CA8: variants seen among roughly 807,000 people sequenced by gnomAD.
CA8 encodes the protein carbonic anhydrase-related protein.
CA8 carries 22 observed loss-of-function variants against 41.4 expected under a neutral mutation model. That is an observed-to-expected ratio of 0.53 (90% CI 0.38 to 0.76). The LOEUF (loss-of-function observed/expected upper bound fraction) is 0.76. Among genes scored for constraint, CA8 ranks in the 30% least tolerant of loss-of-function variants. CA8 has a pLI of 0.00. For missense variants in CA8, 270 were observed against 352.8 expected, an observed-to-expected ratio of 0.77 and a Z score of 1.88; for synonymous variants, 121 against 130.6, an observed-to-expected ratio of 0.93 and a Z score of 0.50.
At position 60,188,469 on chromosome 8, in the gene CA8, C is replaced by T. The variant is rs1304755965; in HGVS notation, c.*1552G>A. ...AGATCTAGTCTTTTGATGTTAATTA[C>T]AAATAAGGCTGCACGTGTGCAGCCA... On this transcript the variant is annotated 3_prime_UTR_variant, in exon 9 of 9. Coordinates refer to ENST00000317995, the MANE Select transcript of CA8 (RefSeq NM_004056.6). 1 of 152,166 alleles carries T rather than the reference C, an allele frequency of 6.6e-6. No homozygotes were observed. Among genetic ancestry groups the T allele is most frequent in the Non-Finnish European group, 1.5e-5 (1 of 68,044 alleles). The allele number at this position is 152,166 out of a possible 1,614,324, so 9.4% of individuals were successfully genotyped here.
At chr8:60,195,530 T>C (rs114051237) in intron 8 of CA8, among the ~76,000 whole-genome samples, 1 of 152,166 alleles carries the variant, frequency 6.6e-6, no homozygotes, top group Admixed American at 6.6e-5. Context: ...ATCTCCAAAA[T>C]AGAGTCTTTT....
At position 60,255,767 on chromosome 8, in the gene CA8, A is replaced by T. The variant is rs368881458; in HGVS notation, c.417+10158T>A. 1.8e-4 allele frequency among the ~76,000 whole-genome samples: 28 copies of T among 152,344 alleles called. 1 individual carries two copies. The South Asian group carries it at 5.2e-3, about 28-fold the overall frequency. On this transcript the variant is annotated intron_variant, in intron 3 of 8. Coordinates refer to ENST00000317995, the MANE Select transcript of CA8 (RefSeq NM_004056.6). ...CAAAACTATACTGCCCTATGGTACA[A>T]CATTTACATCCAATATACCTAATAC...
intron 7 of CA8, among the ~76,000 whole-genome samples, chr8:60,220,888 G>A (rs535851214): frequency 3.9e-4 from 59 of 152,160 alleles, no homozygotes; most frequent in South Asian, 1.5e-3. Flanking sequence ...GAGATCCTTC[G>A]CCCTATTTTC....
intron 3 of CA8, among the ~76,000 whole-genome samples, chr8:60,263,484 AAGTC>A (rs772864858): frequency 6.6e-5 from 10 of 152,180 alleles, no homozygotes; most frequent in African/African-American, 1.7e-4. Context: ...GAAAAAAAAA[AAGTC>A]AGTCTTAAAA....
chr8:60,262,809 G>A (rs1001697255), intron 3 of CA8, among the ~76,000 whole-genome samples: 1 of 152,240 alleles, frequency 6.6e-6, no homozygotes, highest in African/African-American at 2.4e-5. Context: ...TAAGCAGTGT[G>A]TCAGATGGCT....
chr8:60,231,894 G>A (rs1378906242), intron 4 of CA8, among the ~76,000 whole-genome samples: 3 of 152,092 alleles, frequency 2.0e-5, no homozygotes, highest in Non-Finnish European at 4.4e-5. Context: ...TGTTAATAAA[G>A]AAGGGCTAAA....
intron 4 of CA8, among the ~76,000 whole-genome samples, chr8:60,227,317 G>T (rs1044415811): frequency 1.3e-5 from 2 of 151,778 alleles, no homozygotes; most frequent in African/African-American, 2.4e-5. Context: ...AACAGAACTC[G>T]GTTCTAGTCC....
intron 8 of CA8, among the ~76,000 whole-genome samples, chr8:60,193,493 G>A (rs952742209): frequency 6.6e-6 from 1 of 152,032 alleles, no homozygotes; most frequent in Non-Finnish European, 1.5e-5. Flanking sequence ...GTAGCTTCTG[G>A]GAAATAAATT....
At chr8:60,271,862 T>C (rs1418250260) in intron 2 of CA8, among the ~76,000 whole-genome samples, 1 of 152,070 alleles carries the variant, frequency 6.6e-6, no homozygotes, top group Non-Finnish European at 1.5e-5. Context: ...ACTGCAAAGA[T>C]GTTTAATTTT....
chr8:60,207,711 C>T (rs981552043), intron 8 of CA8, among the ~76,000 whole-genome samples: 1 of 152,158 alleles, frequency 6.6e-6, no homozygotes, highest in African/African-American at 2.4e-5. Flanking sequence ...TCCAAGCCTC[C>T]GCATCTATCA....
chr8:60,209,053 A>G lies in CA8; in HGVS notation c.739-134T>C. On this transcript the variant is annotated intron_variant, in intron 7 of 8. Coordinates refer to ENST00000317995, the MANE Select transcript of CA8 (RefSeq NM_004056.6). ...AAGAGAAAATTAAAATTAAGCTTCA[A>G]AAAGAAAAAAAACAGACTTAATTCT... 3.9e-6 allele frequency: 4 copies of G among 1,023,382 alleles called. No homozygotes were observed. In the Admixed American group the frequency reaches 9.6e-5, roughly 25 times the overall value. 63.4% of individuals were successfully genotyped at this position (1,023,382 alleles called of 1,614,324 possible).
chr8:60,252,987 C>T (rs972408634), intron 3 of CA8, among the ~76,000 whole-genome samples: 1 of 151,836 alleles, frequency 6.6e-6, no homozygotes, highest in African/African-American at 2.4e-5. Flanking sequence ...CCCAGCACTT[C>T]GGGAGGCTGA....
At chr8:60,206,626 T>A (rs1420451514) in intron 8 of CA8, among the ~76,000 whole-genome samples, 1 of 119,286 alleles carries the variant, frequency 8.4e-6, no homozygotes, top group East Asian at 2.1e-4. Flanking sequence ...CTTCCTCTGC[T>A]CCTATCCATC....
chr8:60,195,464 A>G (rs535886771), intron 8 of CA8, among the ~76,000 whole-genome samples: 1 of 152,344 alleles, frequency 6.6e-6, no homozygotes, highest in East Asian at 1.9e-4. Context: ...ATTTTGGCTC[A>G]GCTCATTGAT....
At chr8:60,200,389 T>C (rs1403790273) in intron 8 of CA8, among the ~76,000 whole-genome samples, 1 of 152,236 alleles carries the variant, frequency 6.6e-6, no homozygotes. Flanking sequence ...TACTCCACAC[T>C]ACCATAATCC....
At chr8:60,208,086 A>AT (rs1387058042) in intron 8 of CA8, 3 of 152,324 alleles carry the variant, frequency 2.0e-5, no homozygotes, top group Non-Finnish European at 4.4e-5. Context: ...TTTGTTTTAT[A>AT]TTTTATCTCT....
At chr8:60,268,490 G>A (rs181528158) in intron 2 of CA8, among the ~76,000 whole-genome samples, 2 of 152,180 alleles carry the variant, frequency 1.3e-5, no homozygotes, top group African/African-American at 2.4e-5. Context: ...TATACTCCCC[G>A]CATGACCAAT....
intron 7 of CA8, among the ~76,000 whole-genome samples, chr8:60,213,389 C>T (rs1806907549): frequency 6.6e-6 from 1 of 152,208 alleles, no homozygotes; most frequent in East Asian, 1.9e-4. Context: ...AGCTCACAAC[C>T]ACAGGGAAAG....
chr8:60,273,462 C>G (rs1804133945), intron 2 of CA8, among the ~76,000 whole-genome samples: 1 of 152,238 alleles, frequency 6.6e-6, no homozygotes, highest in South Asian at 2.1e-4. Flanking sequence ...GAGCCTATCA[C>G]TGTGGCTCCT....
Sources: gnomAD v4.1 joint callset for allele counts (sites outside exome capture counted in the v4.1 genomes callset) on GRCh38, gnomAD v4.1.1 for gene constraint, MANE v1.5 for transcripts, NCBI Gene and HGNC (gene_info 2026-07-23, HGNC 2026-07-21) for gene names.